Variants in NPAS3 observed in about 807,000 individuals in gnomAD.
NPAS3 encodes the protein neuronal PAS domain protein 3.
NPAS3 carries 14 observed loss-of-function variants against 73.1 expected under a neutral mutation model. That is an observed-to-expected ratio of 0.19 (90% CI 0.13 to 0.30). The LOEUF (loss-of-function observed/expected upper bound fraction) is 0.30. Among genes scored for constraint, NPAS3 ranks in the 10% least tolerant of loss-of-function variants. The pLI, the probability that NPAS3 is intolerant of heterozygous loss-of-function variation, is 1.00. For missense variants in NPAS3, 1,096 were observed against 1,250.0 expected (o/e 0.88, Z 1.86); for synonymous variants, 620 against 541.5 (o/e 1.14, Z -2.01).
intron 3 of NPAS3, among the ~76,000 whole-genome samples, chr14:33,342,260 C>G (rs2044522396): frequency 6.6e-6 from 1 of 152,192 alleles, no homozygotes; most frequent in Non-Finnish European, 1.5e-5. Flanking sequence ...AACAGTTCTT[C>G]AAATAGAACT....
chr14:33,615,912 C>T (rs760319346), intron 5 of NPAS3, among the ~76,000 whole-genome samples: 4 of 152,248 alleles, frequency 2.6e-5, no homozygotes, highest in East Asian at 1.9e-4. Flanking sequence ...TATGGCAGTA[C>T]GTTCTTTGGC....
At chr14:33,665,517 T>C (rs559825964) in intron 5 of NPAS3, among the ~76,000 whole-genome samples, 75 of 152,256 alleles carry the variant, frequency 4.9e-4, no homozygotes, top group African/African-American at 1.7e-3. Context: ...ATTCAGTAAT[T>C]GCATTGTTTG....
intron 1 of NPAS3, among the ~76,000 whole-genome samples, chr14:33,043,756 G>C (rs192256523): frequency 2.2e-3 from 328 of 151,536 alleles, no homozygotes; most frequent in African/African-American, 7.7e-3. Context: ...CCCAATTCCA[G>C]TTAATAATCA....
chr14:33,083,255 A>C (rs2041922126), intron 2 of NPAS3, among the ~76,000 whole-genome samples: 1 of 150,984 alleles, frequency 6.6e-6, no homozygotes, highest in South Asian at 2.1e-4. Flanking sequence ...GATAGCAGAG[A>C]AAGAGACAAA....
At chr14:33,611,694 T>C (rs2140051028) in intron 5 of NPAS3, among the ~76,000 whole-genome samples, 1 of 152,328 alleles carries the variant, frequency 6.6e-6, no homozygotes, top group South Asian at 2.1e-4. Context: ...AATTTCTCTG[T>C]TCAAAACAAA....
intron 2 of NPAS3, among the ~76,000 whole-genome samples, chr14:33,180,674 C>CTA: frequency 6.6e-6 from 1 of 151,808 alleles, no homozygotes; most frequent in African/African-American, 2.4e-5. Context: ...TGGTGGGCGC[C>CTA]TGTAATCCCA....
At chr14:33,455,539 C>G (rs2049987865) in intron 4 of NPAS3, among the ~76,000 whole-genome samples, 1 of 152,186 alleles carries the variant, frequency 6.6e-6, no homozygotes, top group Admixed American at 6.5e-5. Context: ...GTTTGAGAAA[C>G]TACCAAGAAA....
At position 32,981,801 on chromosome 14, in the gene NPAS3, C is replaced by A. The variant is rs2037909435; in HGVS notation, c.50+42435C>A. ...CAGCATACTATCTTGATGGACAGAACCAATGCACACTCAACTCTTAATTGC... is the reference window on the plus strand; with the variant it reads ...CAGCATACTATCTTGATGGACAGAAACAATGCACACTCAACTCTTAATTGC... On this transcript the variant is annotated intron_variant, in intron 1 of 11. Coordinates refer to ENST00000356141, the Ensembl canonical transcript of NPAS3. Among the ~76,000 whole-genome samples the A allele has an allele frequency of 2.6e-5, 4 of 152,094 alleles. No individual in the cohort carries two copies. In the South Asian group the frequency reaches 8.3e-4, roughly 32 times the overall value.
At chr14:33,296,233 C>CT (rs531902119) in intron 3 of NPAS3, among the ~76,000 whole-genome samples, 52 of 152,092 alleles carry the variant, frequency 3.4e-4, no homozygotes, top group African/African-American at 9.9e-4. Flanking sequence ...CTATAAGATA[C>CT]TTTTTTTTCC....
rs544043475 is a variant in NPAS3 at position 33,673,148 on chromosome 14, G to A, written c.559-3063G>A. Among the ~76,000 whole-genome samples the A allele has an allele frequency of 9.2e-5, 14 of 152,298 alleles. No individual in the cohort carries two copies. In the East Asian group the frequency reaches 2.7e-3, roughly 29 times the overall value. Reference sequence around the variant, plus strand: ...CCTGCCCTCAGCCTCCTCCCTTCATGGTGTTCAGTGTTCTTTCCTGAATAA... The same window carrying A: ...CCTGCCCTCAGCCTCCTCCCTTCATAGTGTTCAGTGTTCTTTCCTGAATAA... On this transcript the variant is annotated intron_variant, in intron 5 of 11. Coordinates refer to ENST00000356141, the Ensembl canonical transcript of NPAS3.
chr14:33,573,582 A>G (rs1010985720), intron 5 of NPAS3, among the ~76,000 whole-genome samples: 3 of 152,216 alleles, frequency 2.0e-5, no homozygotes, highest in African/African-American at 7.2e-5. Context: ...ACGGAAAGGT[A>G]GCATTCCAGG....
chr14:33,152,703 A>T (rs1027242928), intron 2 of NPAS3, among the ~76,000 whole-genome samples: 3 of 151,976 alleles, frequency 2.0e-5, no homozygotes, highest in African/African-American at 4.8e-5. Flanking sequence ...TTTGTTGTTG[A>T]GAGAGATTGT....
Position 33,403,838 on chromosome 14 carries a change from T to TTTCC in NPAS3, c.468+36585_468+36588dup, listed in dbSNP as rs969532361. 2.6e-5 allele frequency among the ~76,000 whole-genome samples: 4 copies of TTTCC among 152,100 alleles called. No individual in the cohort carries two copies. In the South Asian group the frequency reaches 8.3e-4, roughly 32 times the overall value. On this transcript the variant is annotated intron_variant, in intron 4 of 11. Transcript: ENST00000356141. ...TCTCTCTCTCTCTCTCTCTCTTTTA[T>TTTCC]TTCCTTCCTTCCTTCCTTTTACAAA...
intron 2 of NPAS3, among the ~76,000 whole-genome samples, chr14:33,159,553 CT>C (rs11389432): frequency 2.6e-3 from 321 of 121,380 alleles, no homozygotes; most frequent in Middle Eastern, 9.6e-3. Context: ...TTATAATGAG[CT>C]TTTTTTTTTT....
At chr14:33,520,788 C>G (rs960746417) in intron 4 of NPAS3, among the ~76,000 whole-genome samples, 7 of 152,092 alleles carry the variant, frequency 4.6e-5, no homozygotes, top group Non-Finnish European at 1.0e-4. Context: ...ATAAAATGGT[C>G]AGTTTCAACA....
At chr14:33,566,750 T>A (rs2055966675) in intron 5 of NPAS3, among the ~76,000 whole-genome samples, 1 of 152,216 alleles carries the variant, frequency 6.6e-6, no homozygotes, top group Non-Finnish European at 1.5e-5. Context: ...CCCTCCCCTG[T>A]CATCTTTACA....
intron 4 of NPAS3, among the ~76,000 whole-genome samples, chr14:33,451,719 C>T (rs2049800030): frequency 6.6e-6 from 1 of 152,110 alleles, no homozygotes; most frequent in Non-Finnish European, 1.5e-5. Flanking sequence ...TATCTTTGCA[C>T]ATTTTCTTGT....
intron 3 of NPAS3, among the ~76,000 whole-genome samples, chr14:33,307,598 T>TGTGTGTGTGTGTGTGTGTGTGTGTGTGG: frequency 6.6e-6 from 1 of 151,526 alleles, no homozygotes; most frequent in Admixed American, 6.6e-5. Flanking sequence ...TTTCAATGTG[T>TGTGTGTGTGTGTGTGTGTGTGTGTGTGG]GTGTGTGTGT....
intron 9 of NPAS3, among the ~76,000 whole-genome samples, chr14:33,784,752 T>TATTTATTTATTA (rs59628991): frequency 1.8e-5 from 2 of 112,686 alleles, no homozygotes; most frequent in Admixed American, 8.8e-5. Context: ...TTTATTTTTT[T>TATTTATTTATTA]TTTTTTTTTT....
Sources: allele counts gnomAD v4.1 joint callset (sites outside exome capture counted in the v4.1 genomes callset), GRCh38; gene constraint gnomAD v4.1.1; transcripts MANE v1.5; gene names NCBI Gene and HGNC (gene_info 2026-07-23, HGNC 2026-07-21).